The following ACOXL variants were observed in gnomAD, a reference collection of about 807,000 sequenced individuals.
The protein encoded by ACOXL is acyl-CoA oxidase like.
In ACOXL, 70 loss-of-function variants were observed where a neutral mutation model predicts 71.9. That is an observed-to-expected ratio of 0.97 (90% CI 0.80 to 1.19). The LOEUF (loss-of-function observed/expected upper bound fraction) is 1.19, where lower values mean the gene tolerates loss of function less well. ACOXL is among the 50% of genes most tolerant of loss of function. The pLI is 0.00. For missense variants in ACOXL, 703 were observed against 736.3 expected (o/e 0.95, Z 0.52); for synonymous variants, 253 against 281.6 (o/e 0.90, Z 1.02).
intron 12 of ACOXL, among the ~76,000 whole-genome samples, chr2:110,955,203 T>C (rs1228393752): frequency 6.6e-6 from 1 of 152,206 alleles, no homozygotes; most frequent in African/African-American, 2.4e-5. Context: ...TTCTTTGCAT[T>C]ATCTCCTTCT....
intron 15 of ACOXL, among the ~76,000 whole-genome samples, chr2:111,040,857 G>A (rs2065748762): frequency 6.6e-6 from 1 of 152,130 alleles, no homozygotes; most frequent in African/African-American, 2.4e-5. Context: ...AGGGTGAACA[G>A]CAGGGTCCCA....
chr2:110,861,330 C>G (rs1187307918), intron 10 of ACOXL, among the ~76,000 whole-genome samples: 1 of 151,880 alleles, frequency 6.6e-6, no homozygotes, highest in African/African-American at 2.4e-5. Context: ...TTGACAAATA[C>G]CACTTGACAA....
chr2:111,093,681 A>G, intron 17 of ACOXL: 1 of 692,796 alleles, frequency 1.4e-6, no homozygotes, highest in Non-Finnish European at 2.3e-6. Context: ...CTTGGGCAAC[A>G]TGGTGAAACC....
intron 10 of ACOXL, among the ~76,000 whole-genome samples, chr2:110,906,567 A>G (rs1470375625): frequency 2.8e-5 from 4 of 142,986 alleles, no homozygotes; most frequent in Non-Finnish European, 6.1e-5. Context: ...TTGTATTATT[A>G]TCGTACTTAT....
At chr2:110,849,136 GTCAGAGCCTAGC>G (rs1265404495) in intron 10 of ACOXL, among the ~76,000 whole-genome samples, 1 of 152,188 alleles carries the variant, frequency 6.6e-6, no homozygotes, top group Non-Finnish European at 1.5e-5. Flanking sequence ...AGCTTCTCAG[GTCAGAGCCTAGC>G]TCTATTTCTT....
chr2:110,953,848 C>G (rs756951654), intron 12 of ACOXL, among the ~76,000 whole-genome samples: 6 of 152,098 alleles, frequency 3.9e-5, no homozygotes, highest in Non-Finnish European at 8.8e-5. Context: ...CGGGGGGAGC[C>G]ACACACTTTT....
chr2:110,750,422 T>C (rs1427965856), intron 1 of ACOXL, among the ~76,000 whole-genome samples: 1 of 152,080 alleles, frequency 6.6e-6, no homozygotes, highest in African/African-American at 2.4e-5. Context: ...GCCCCTGTCC[T>C]AGAATCAGCC....
chr2:110,767,923 AACACACACACACACACACACACAC>A (rs58524964), intron 1 of ACOXL, among the ~76,000 whole-genome samples: 43 of 114,446 alleles, frequency 3.8e-4, no homozygotes, highest in African/African-American at 1.2e-3. Flanking sequence ...GTCTCTACTA[AACACACACACACACACACACACAC>A]ACACACACAC....
chr2:110,933,848 A>G (rs1283309019), intron 12 of ACOXL, among the ~76,000 whole-genome samples: 1 of 152,246 alleles, frequency 6.6e-6, no homozygotes, highest in Non-Finnish European at 1.5e-5. Flanking sequence ...ATGTTTGTAA[A>G]ATGCCTGGCC....
chr2:110,960,843 G>A (rs2061675896), intron 12 of ACOXL, among the ~76,000 whole-genome samples: 1 of 152,172 alleles, frequency 6.6e-6, no homozygotes, highest in African/African-American at 2.4e-5. Flanking sequence ...GGCCTCAAGT[G>A]TAGAATTTAA....
At chr2:111,050,935 A>T (rs2066261023) in intron 16 of ACOXL, among the ~76,000 whole-genome samples, 1 of 152,186 alleles carries the variant, frequency 6.6e-6, no homozygotes, top group Non-Finnish European at 1.5e-5. Flanking sequence ...TCTCTAGCAC[A>T]TTCGGTTAGA....
intron 11 of ACOXL, among the ~76,000 whole-genome samples, chr2:110,913,658 G>T (rs968343675): frequency 1.3e-5 from 2 of 152,152 alleles, no homozygotes; most frequent in East Asian, 3.8e-4. Context: ...CTGAGGCTGG[G>T]TAATTAATGA....
At chr2:110,987,486 A>G (rs1298014137) in intron 13 of ACOXL, among the ~76,000 whole-genome samples, 4 of 152,150 alleles carry the variant, frequency 2.6e-5, no homozygotes, top group African/African-American at 9.7e-5. Flanking sequence ...TAAAAACCCC[A>G]TGAGGTAAGT....
chr2:110,992,301 T>TAG (rs2063205557), intron 13 of ACOXL, among the ~76,000 whole-genome samples: 1 of 152,216 alleles, frequency 6.6e-6, no homozygotes, highest in Non-Finnish European at 1.5e-5. Context: ...TCCCGAAACT[T>TAG]TACTTACTCT....
chr2:110,903,262 G>A (rs931965869), intron 10 of ACOXL, among the ~76,000 whole-genome samples: 7 of 152,248 alleles, frequency 4.6e-5, no homozygotes, highest in Admixed American at 1.3e-4. Context: ...CAGAGGCTGC[G>A]CCTGCAGTAG....
chr2:110,991,927 A>G (rs542850956), intron 13 of ACOXL, among the ~76,000 whole-genome samples: 24 of 152,296 alleles, frequency 1.6e-4, no homozygotes, highest in African/African-American at 5.1e-4. Flanking sequence ...AAATTGTCCA[A>G]CATATTAAGG....
intron 5 of ACOXL, among the ~76,000 whole-genome samples, 186 bp downstream of exon 5, chr2:110,794,360 A>G (rs755199984): frequency 6.6e-6 from 1 of 152,212 alleles, no homozygotes; most frequent in Non-Finnish European, 1.5e-5. Flanking sequence ...CGTGTACCCA[A>G]CATCAGCCAG....
At chr2:111,010,919 A>G (rs1044148989) in intron 14 of ACOXL, among the ~76,000 whole-genome samples, 19 of 152,228 alleles carry the variant, frequency 1.2e-4, no homozygotes, top group Non-Finnish European at 2.2e-4. Flanking sequence ...ACAGACCTAT[A>G]CTACAAGAAA....
intron 12 of ACOXL, among the ~76,000 whole-genome samples, chr2:110,941,444 T>G (rs1558762649): frequency 6.6e-6 from 1 of 152,208 alleles, no homozygotes; most frequent in East Asian, 1.9e-4. Context: ...AGCTTCCTTA[T>G]CTATGTTTGC....
Sources: allele counts gnomAD v4.1 joint callset (sites outside exome capture counted in the v4.1 genomes callset), GRCh38; gene constraint gnomAD v4.1.1; transcripts MANE v1.5; gene names NCBI Gene and HGNC (gene_info 2026-07-23, HGNC 2026-07-21).